MAN1A2: variants seen among roughly 807,000 people sequenced by gnomAD.
MAN1A2 encodes the protein mannosidase alpha class 1A member 2, also known as mannosyl-oligosaccharide 1,2-alpha-mannosidase IB.
In MAN1A2, 26 loss-of-function variants were observed where a neutral mutation model predicts 75.7. The ratio of observed to expected loss-of-function variants is 0.34; its 90% CI spans 0.25 to 0.48. The LOEUF (loss-of-function observed/expected upper bound fraction) is 0.48, where lower values mean the gene tolerates loss of function less well. Ranked by LOEUF, MAN1A2 falls within the 20% of genes least tolerant of loss-of-function variation. MAN1A2 has a pLI of 0.99. For missense variants in MAN1A2, 562 were observed against 775.5 expected (o/e 0.72, Z 3.27); for synonymous variants, 247 against 264.6 (o/e 0.93, Z 0.65).
intron 5 of MAN1A2, among the ~76,000 whole-genome samples, chr1:117,431,091 C>G (rs1285389946): frequency 7.2e-6 from 1 of 138,166 alleles, no homozygotes; most frequent in African/African-American, 2.7e-5. Flanking sequence ...CGCAGGCATT[C>G]GGCAGACTGA....
intron 5 of MAN1A2, among the ~76,000 whole-genome samples, chr1:117,439,940 A>G (rs994710601): frequency 6.6e-6 from 1 of 152,346 alleles, no homozygotes; most frequent in African/African-American, 2.4e-5. Context: ...TCAAATGCTT[A>G]TACTGATTGA....
intron 5 of MAN1A2, among the ~76,000 whole-genome samples, chr1:117,433,477 T>C (rs903076642): frequency 3.3e-5 from 5 of 152,186 alleles, no homozygotes; most frequent in Admixed American, 6.5e-5. Flanking sequence ...TACCCAAGGA[T>C]CTGGAATAAA....
chr1:117,444,715 C>G (rs952061890), intron 6 of MAN1A2, among the ~76,000 whole-genome samples: 2 of 151,744 alleles, frequency 1.3e-5, no homozygotes, highest in Non-Finnish European at 2.9e-5. Flanking sequence ...AGTTCTTTGT[C>G]TTTTTCTAAT....
intron 8 of MAN1A2, 63 bp downstream of exon 8, chr1:117,466,490 G>A (rs1349280334): frequency 8.9e-7 from 1 of 1,121,630 alleles, no homozygotes; most frequent in Non-Finnish European, 1.3e-6. Context: ...CTCTTTGCTT[G>A]ATGTTGTAAA....
intron 7 of MAN1A2, among the ~76,000 whole-genome samples, chr1:117,466,030 T>C (rs1007222374): frequency 6.6e-6 from 1 of 152,202 alleles, no homozygotes; most frequent in African/African-American, 2.4e-5. Context: ...AAATAACTGA[T>C]GTTTCAGATG....
At chr1:117,503,026 C>T in intron 12 of MAN1A2, 56 bp downstream of exon 12, 2 of 866,372 alleles carry the variant, frequency 2.3e-6, no homozygotes, top group Non-Finnish European at 3.5e-6. Context: ...GCTGTGTGAT[C>T]ACTAGATGAT....
In MAN1A2 at chr1:117,456,207, G is replaced by T. The variant is rs867144021; in HGVS notation, c.951-4282G>T. On this transcript the variant is annotated intron_variant, in intron 6 of 12. Transcript: ENST00000356554. ...ATAAGTACAGGTTGAACGTTCAAGA[G>T]TAAGGTCATTTGTTAAGCAAATTTG... 2.6e-5 allele frequency among the ~76,000 whole-genome samples: 4 copies of T among 152,158 alleles called. No homozygotes were observed. The Middle Eastern group carries it at 0.01, about 388-fold the overall frequency.
chr1:117,458,521 A>ATTTTT (rs1409683905), intron 6 of MAN1A2, among the ~76,000 whole-genome samples: 2 of 94,336 alleles, frequency 2.1e-5, no homozygotes, highest in African/African-American at 8.1e-5. Flanking sequence ...AGATATATAT[A>ATTTTT]TATTTTTTTT....
intron 1 of MAN1A2, among the ~76,000 whole-genome samples, chr1:117,372,016 T>G (rs1044768182): frequency 1.3e-5 from 2 of 152,188 alleles, no homozygotes; most frequent in African/African-American, 4.8e-5. Flanking sequence ...CAAATTCTAG[T>G]CAGGATTCTA....
intron 1 of MAN1A2, among the ~76,000 whole-genome samples, chr1:117,388,058 C>T (rs1653597456): frequency 6.8e-6 from 1 of 146,690 alleles, no homozygotes; most frequent in Admixed American, 7.1e-5. Flanking sequence ...TTTGGGGGGA[C>T]ACAAACATTT....
At chr1:117,393,817 A>G (rs1427250542) in intron 1 of MAN1A2, among the ~76,000 whole-genome samples, 1 of 152,228 alleles carries the variant, frequency 6.6e-6, no homozygotes, top group East Asian at 1.9e-4. Flanking sequence ...AAGATGGTCT[A>G]GAAATCTTAG....
intron 6 of MAN1A2, among the ~76,000 whole-genome samples, chr1:117,443,152 A>G (rs1298826825): frequency 6.6e-6 from 1 of 152,148 alleles, no homozygotes. Flanking sequence ...AATAAAAGTT[A>G]GGAACATTTA....
At chr1:117,427,191 C>T (rs186668076) in intron 5 of MAN1A2, among the ~76,000 whole-genome samples, 1 of 151,824 alleles carries the variant, frequency 6.6e-6, no homozygotes, top group Non-Finnish European at 1.5e-5. Context: ...TCAATGGTGA[C>T]CTGTTCTAAG....
chr1:117,431,364 AAGG>A (rs543476742), intron 5 of MAN1A2, among the ~76,000 whole-genome samples: 196 of 152,276 alleles, frequency 1.3e-3, no homozygotes, highest in African/African-American at 4.5e-3. Context: ...GAAGAATTAA[AAGG>A]AGATTCCTTT....
At chr1:117,477,165 A>G (rs1650340015) in intron 8 of MAN1A2, among the ~76,000 whole-genome samples, 1 of 151,996 alleles carries the variant, frequency 6.6e-6, no homozygotes, top group Admixed American at 6.6e-5. Context: ...AAAGAAGCCC[A>G]GGACCAGACA....
chr1:117,502,753 A>G, intron 11 of MAN1A2, 102 bp from the exon 12 acceptor site: 1 of 663,584 alleles, frequency 1.5e-6, no homozygotes, highest in Non-Finnish European at 2.7e-6. Flanking sequence ...AAATTTTCAT[A>G]CAAATCTTTA....
Position 117,523,069 on chromosome 1 carries a change from G to T in MAN1A2, c.*112G>T, listed in dbSNP as rs1447292361. On this transcript the variant is annotated 3_prime_UTR_variant, in exon 13 of 13. Transcript: ENST00000356554. Reference sequence around the variant, plus strand: ...CCTGGACCTCTATGTCAACATGACAGGGTGAAACTATTCCCCCTAAGACTG... The same window carrying T: ...CCTGGACCTCTATGTCAACATGACATGGTGAAACTATTCCCCCTAAGACTG... The T allele has an allele frequency of 4.4e-6, 5 of 1,146,998 alleles. No homozygotes were observed. Among genetic ancestry groups the T allele is most frequent in the Admixed American group, 3.6e-5 (2 of 55,318 alleles). The allele number at this position is 1,146,998 out of a possible 1,614,324, so 71.1% of individuals were successfully genotyped here. A position where few individuals can be genotyped will look rare whatever the true frequency, so the allele number is the denominator to read the frequency against.
intron 6 of MAN1A2, among the ~76,000 whole-genome samples, chr1:117,448,190 C>A (rs565791472): frequency 1.3e-5 from 2 of 152,012 alleles, no homozygotes; most frequent in Non-Finnish European, 2.9e-5. Context: ...CAATTCTGAA[C>A]GGGAGCTTAT....
chr1:117,402,554 TGTA>T (rs1647474920), intron 2 of MAN1A2, 113 bp downstream of exon 2: 1 of 976,480 alleles, frequency 1.0e-6, no homozygotes, highest in Non-Finnish European at 1.4e-6. Flanking sequence ...GGGTCATAGT[TGTA>T]GTATAGTTTC....
Sources: gnomAD v4.1 joint callset for allele counts (sites outside exome capture counted in the v4.1 genomes callset) on GRCh38, gnomAD v4.1.1 for gene constraint, MANE v1.5 for transcripts, NCBI Gene and HGNC (gene_info 2026-07-23, HGNC 2026-07-21) for gene names.